The following RRM2B variants were observed in gnomAD, a reference collection of about 807,000 sequenced individuals.
RRM2B encodes the protein ribonucleoside-diphosphate reductase subunit M2 B.
RRM2B carries 20 observed loss-of-function variants against 45.9 expected under a neutral mutation model. That is an observed-to-expected ratio of 0.44 (90% CI 0.31 to 0.63). The LOEUF (loss-of-function observed/expected upper bound fraction) is 0.63. Ranked by LOEUF, RRM2B falls within the 30% of genes least tolerant of loss-of-function variation. RRM2B has a pLI of 0.09. For missense variants in RRM2B, 320 were observed against 414.7 expected, an observed-to-expected ratio of 0.77 and a Z score of 1.98; for synonymous variants, 124 against 132.3, an observed-to-expected ratio of 0.94 and a Z score of 0.43.
chr8:102,208,917 G>C (rs1338880497), intron 8 of RRM2B, among the ~76,000 whole-genome samples: 1 of 152,308 alleles, frequency 6.6e-6, no homozygotes, highest in East Asian at 1.9e-4. Flanking sequence ...GGGAGGCCGA[G>C]GTAGGTGGGA....
intron 5 of RRM2B, among the ~76,000 whole-genome samples, chr8:102,221,899 A>G (rs1810843144): frequency 6.6e-6 from 1 of 152,104 alleles, no homozygotes; most frequent in African/African-American, 2.4e-5. Flanking sequence ...TAAAGCCAGC[A>G]TTTCCCAAAG....
intron 2 of RRM2B, among the ~76,000 whole-genome samples, chr8:102,231,157 T>C (rs1811021212): frequency 1.3e-5 from 2 of 152,250 alleles, no homozygotes; most frequent in African/African-American, 4.8e-5. Flanking sequence ...CAATAACTAT[T>C]TGTTCAGTTA....
intron 1 of RRM2B, 95 bp downstream of exon 1, chr8:102,238,732 G>A: frequency 6.3e-7 from 1 of 1,598,110 alleles, no homozygotes. Context: ...TGTCCTGACC[G>A]CGGCGAATAA....
At chr8:102,218,569 C>G (rs1255922345) in intron 6 of RRM2B, among the ~76,000 whole-genome samples, 3 of 151,550 alleles carry the variant, frequency 2.0e-5, no homozygotes, top group Non-Finnish European at 4.4e-5. Context: ...ACTAAAGATA[C>G]CAAAATTAGG....
At chr8:102,229,742 G>A (rs1810996872) in intron 2 of RRM2B, among the ~76,000 whole-genome samples, 1 of 151,924 alleles carries the variant, frequency 6.6e-6, no homozygotes, top group Non-Finnish European at 1.5e-5. Flanking sequence ...CTGCTGCCAC[G>A]CCTGGCTAAT....
At chr8:102,236,886 C>G (rs780920880) in intron 1 of RRM2B, among the ~76,000 whole-genome samples, 1 of 152,172 alleles carries the variant, frequency 6.6e-6, no homozygotes. Flanking sequence ...CAAGATTTCC[C>G]AGCAAGCACT....
chr8:102,214,992 C>T (rs1222182981), intron 6 of RRM2B, among the ~76,000 whole-genome samples: 1 of 129,038 alleles, frequency 7.7e-6, no homozygotes, highest in Non-Finnish European at 1.6e-5. Context: ...GGAGAGTCAA[C>T]CTACAATAAT....
rs755176920 is a variant in RRM2B at position 102,218,849 on chromosome 8, G to C, written c.649C>G (p.Leu217Val). The C allele has an allele frequency of 6.2e-7, 1 of 1,613,780 alleles. No homozygotes were observed. Among genetic ancestry groups the C allele is most frequent in the South Asian group, 1.1e-5 (1 of 91,058 alleles). The change falls in exon 6 of 9, where the codon CTC (leucine) becomes GTC (valine). Residue 217 changes from leucine (L) to valine (V), a missense_variant. This residue lies in a region of RRM2B where 225 missense variants were observed against 289.4 expected (regional missense o/e 0.78). Transcript: ENST00000251810. ...CTGATGAGTTCATTGGAAAAAGTGA[G>C]TCCTGGCATAAGACCTCTCTTCTTT... ...WLKKRGLMPG[L>V]TFSNELISRD...
At chr8:102,227,350 T>C (rs1381196943) in intron 2 of RRM2B, among the ~76,000 whole-genome samples, 1 of 152,024 alleles carries the variant, frequency 6.6e-6, no homozygotes, top group Non-Finnish European at 1.5e-5. Flanking sequence ...CAGTCTGGAG[T>C]GCGGTGGCAC....
At chr8:102,225,634 A>C (rs1279838751) in intron 3 of RRM2B, among the ~76,000 whole-genome samples, 3 of 152,202 alleles carry the variant, frequency 2.0e-5, no homozygotes, top group Non-Finnish European at 4.4e-5. Context: ...CAGAGCTCCA[A>C]AGGTTAAGGT....
chr8:102,224,077 C>G lies in RRM2B; in HGVS notation c.519G>C (p.Leu173Phe). 1 of 1,613,712 alleles carries G rather than the reference C, an allele frequency of 6.2e-7. No individual in the cohort carries two copies. Among genetic ancestry groups the G allele is most frequent in the African/African-American group, 1.3e-5 (1 of 75,042 alleles). The change falls in exon 5 of 9, where the codon TTG becomes TTC. Residue 173 changes from leucine (L) to phenylalanine (F), a missense_variant. Physicochemically the swap from Leu to Phe is conservative, Grantham distance 22. Coordinates refer to ENST00000251810, the MANE Select transcript of RRM2B (RefSeq NM_015713.5). ...TAGATTTTCTATCTGCTATCCATCG[C>G]AAGGCCCAATCTGCTTTTTTCTTAA... is the stretch of plus-strand genomic sequence containing the variant. ...PYVKKKADWA[L>F]RWIADRKSTF...
At chr8:102,231,868 CAAAAAAA>C (rs1250881056) in intron 2 of RRM2B, among the ~76,000 whole-genome samples, 7 of 61,728 alleles carry the variant, frequency 1.1e-4, no homozygotes, top group Admixed American at 6.3e-4. Flanking sequence ...GACTCTGTCT[CAAAAAAA>C]AAAAAAAAAA....
At position 102,226,053 on chromosome 8, in the gene RRM2B, C is replaced by G. The variant is rs771090572; in HGVS notation, c.205-19G>C. 1.3e-6 allele frequency: 2 copies of G among 1,494,696 alleles called. No individual in the cohort carries two copies. Among genetic ancestry groups the G allele is most frequent in the South Asian group, 2.3e-5 (2 of 88,700 alleles). 92.6% of individuals were successfully genotyped at this position (1,494,696 alleles called of 1,614,324 possible). A position where few individuals can be genotyped will look rare whatever the true frequency, so the allele number is the denominator to read the frequency against. The stretch of plus-strand genomic sequence containing the variant: ...AGTCGACCTGGAATAAAAAGATTTT[C>G]AAAAATTTTAATTTGGAGTTAAGTT... On this transcript the variant is annotated intron_variant, in intron 2 of 8. Transcript: ENST00000251810.
intron 1 of RRM2B, among the ~76,000 whole-genome samples, chr8:102,232,893 C>A (rs1811056601): frequency 6.6e-6 from 1 of 152,216 alleles, no homozygotes; most frequent in African/African-American, 2.4e-5. Flanking sequence ...TACATTCTAA[C>A]ATTACTGCAT....
intron 1 of RRM2B, among the ~76,000 whole-genome samples, chr8:102,232,589 T>C (rs1005743167): frequency 2.0e-5 from 3 of 152,204 alleles, no homozygotes; most frequent in Non-Finnish European, 4.4e-5. Context: ...CAAAGCCTGG[T>C]ATATAGTAAG....
At position 102,223,947 on chromosome 8, in the gene RRM2B, C is replaced by T; in HGVS notation, c.550+99G>A. 1.1e-5 allele frequency: 9 copies of T among 856,494 alleles called. No homozygotes were observed. In the South Asian group the frequency reaches 1.1e-4, roughly 10 times the overall value. The allele number at this position is 856,494 out of a possible 1,614,324, so 53.1% of individuals were successfully genotyped here. A position where few individuals can be genotyped will look rare whatever the true frequency, so the allele number is the denominator to read the frequency against. On this transcript the variant is annotated intron_variant, in intron 5 of 8. Transcript: ENST00000251810. Reference sequence around the variant, plus strand: ...ATTTGAGACATTTGTACTCCTTTTCCATGCTGTAACTTTGATTCGTACTGG... The same window carrying T: ...ATTTGAGACATTTGTACTCCTTTTCTATGCTGTAACTTTGATTCGTACTGG...
At chr8:102,214,753 CA>C (rs1312094197) in intron 6 of RRM2B, among the ~76,000 whole-genome samples, 4 of 88,836 alleles carry the variant, frequency 4.5e-5, no homozygotes, top group African/African-American at 8.6e-5. Context: ...CCAATCTCTA[CA>C]AAAAAAAATA....
At chr8:102,219,978 T>C (rs1004890309) in intron 5 of RRM2B, among the ~76,000 whole-genome samples, 1 of 152,172 alleles carries the variant, frequency 6.6e-6, no homozygotes, top group Non-Finnish European at 1.5e-5. Context: ...GTGGCTCACA[T>C]CTGTAATACC....
chr8:102,224,015 A>T, intron 5 of RRM2B, 31 bp downstream of exon 5: 2 of 1,475,234 alleles, frequency 1.4e-6, no homozygotes, highest in Non-Finnish European at 1.9e-6. Flanking sequence ...CCTTAGGCAA[A>T]TCTGATCATA....
Sources: allele counts gnomAD v4.1 joint callset (sites outside exome capture counted in the v4.1 genomes callset), GRCh38; gene constraint gnomAD v4.1.1; regional missense constraint gnomAD v4.1.1; transcripts MANE v1.5; gene names NCBI Gene and HGNC (gene_info 2026-07-23, HGNC 2026-07-21).